The following PAN3 variants were observed in gnomAD, a reference collection of about 807,000 sequenced individuals.
PAN3 encodes PAN2-PAN3 deadenylation complex subunit PAN3.
PAN3 carries 19 observed loss-of-function variants against 96.2 expected under a neutral mutation model. The ratio of observed to expected loss-of-function variants is 0.20; its 90% CI spans 0.14 to 0.29. The LOEUF (loss-of-function observed/expected upper bound fraction) is 0.29. Ranked by LOEUF, PAN3 falls within the 10% of genes least tolerant of loss-of-function variation. The pLI is 1.00. For missense variants in PAN3, 882 were observed against 1,108.1 expected, an observed-to-expected ratio of 0.80 and a Z score of 2.90; for synonymous variants, 433 against 406.6, an observed-to-expected ratio of 1.06 and a Z score of -0.78.
chr13:28,230,316 T>C (rs1040988844), intron 6 of PAN3, among the ~76,000 whole-genome samples: 6 of 152,094 alleles, frequency 3.9e-5, no homozygotes, highest in African/African-American at 1.4e-4. Flanking sequence ...AAATATAAAT[T>C]AGTTACTATA....
At position 28,256,394 on chromosome 13, in the gene PAN3, G is replaced by T. The variant is rs781600893; in HGVS notation, c.1103G>T (p.Ser368Ile). ...RRRSHTPNPASYMVPSSASTS... is the reference protein window; with the variant it reads ...RRRSHTPNPAIYMVPSSASTS... ...AGAAGTCACACTCCAAATCCAGCAA[G>T]TTACATGGTGCCTTCTAGTGCCTCT... Residue 368 changes from serine (S) to isoleucine (I), a missense_variant, in exon 7 of 19, where the codon AGT becomes ATT. Physicochemically the swap from Ser to Ile is moderately radical, Grantham distance 142. Coordinates refer to ENST00000380958, the MANE Select transcript of PAN3 (RefSeq NM_175854.8). The T allele has an allele frequency of 8.7e-6, 14 of 1,614,054 alleles. No homozygotes were observed. The South Asian group carries it at 1.5e-4, about 18-fold the overall frequency.
At chr13:28,225,809 C>G (rs1018174694) in intron 6 of PAN3, among the ~76,000 whole-genome samples, 5 of 152,134 alleles carry the variant, frequency 3.3e-5, no homozygotes, top group Admixed American at 2.6e-4. Flanking sequence ...CAGACTAGTT[C>G]TGTGTGTGTC....
chr13:28,241,739 G>A (rs1417805180), intron 6 of PAN3, among the ~76,000 whole-genome samples: 1 of 152,122 alleles, frequency 6.6e-6, no homozygotes, highest in Non-Finnish European at 1.5e-5. Context: ...GTGATTTGGG[G>A]AATTTGGTTA....
chr13:28,194,952 G>A (rs1288450829), intron 4 of PAN3, among the ~76,000 whole-genome samples: 1 of 151,718 alleles, frequency 6.6e-6, no homozygotes, highest in East Asian at 1.9e-4. Context: ...TCCATGGCAT[G>A]AATCACTAAG....
chr13:28,227,682 C>T (rs1236193662), intron 6 of PAN3, among the ~76,000 whole-genome samples: 1 of 152,042 alleles, frequency 6.6e-6, no homozygotes, highest in Non-Finnish European at 1.5e-5. Context: ...TCTGTAGAAG[C>T]ATAGAGGACA....
chr13:28,181,956 G>T (rs978517265), intron 4 of PAN3, among the ~76,000 whole-genome samples: 1 of 152,112 alleles, frequency 6.6e-6, no homozygotes, highest in South Asian at 2.1e-4. Flanking sequence ...TTAAAAATAG[G>T]AGTTAATATA....
chr13:28,282,337 G>GT (rs1346114643), intron 17 of PAN3, among the ~76,000 whole-genome samples: 2 of 132,238 alleles, frequency 1.5e-5, no homozygotes, highest in African/African-American at 7.3e-5. Context: ...TACTTGAGGG[G>GT]TTGTTTTTTT....
chr13:28,269,004 A>G (rs1039452987), intron 12 of PAN3, among the ~76,000 whole-genome samples: 9 of 152,256 alleles, frequency 5.9e-5, no homozygotes, highest in African/African-American at 1.9e-4. Context: ...GCTCAAATTT[A>G]TTTTGGTAGT....
chr13:28,244,647 T>C (rs1429604762), intron 6 of PAN3, among the ~76,000 whole-genome samples: 2 of 152,118 alleles, frequency 1.3e-5, no homozygotes, highest in African/African-American at 4.8e-5. Context: ...TTCATTACTG[T>C]AGGTTTGATC....
chr13:28,211,147 C>T (rs892485818), intron 5 of PAN3, among the ~76,000 whole-genome samples: 12 of 152,146 alleles, frequency 7.9e-5, no homozygotes, highest in Non-Finnish European at 1.6e-4. Flanking sequence ...GCAGTCCTCC[C>T]ACCTTGGCCT....
chr13:28,288,271 G>A, intron 18 of PAN3, 149 bp downstream of exon 18: 1 of 708,180 alleles, frequency 1.4e-6, no homozygotes, highest in Admixed American at 3.5e-5. Flanking sequence ...TTTCTACAAT[G>A]GGAGGATTTT....
At chr13:28,214,164 G>A (rs888398060) in intron 5 of PAN3, among the ~76,000 whole-genome samples, 1 of 152,132 alleles carries the variant, frequency 6.6e-6, no homozygotes, top group African/African-American at 2.4e-5. Context: ...ATATACGTAC[G>A]TATTATATGC....
intron 1 of PAN3, among the ~76,000 whole-genome samples, chr13:28,142,212 A>G (rs995874306): frequency 2.6e-5 from 4 of 152,188 alleles, no homozygotes; most frequent in Non-Finnish European, 4.4e-5. Context: ...AGGAATCAGG[A>G]AAAAAGGTTG....
At chr13:28,262,612 T>G (rs1406025215) in intron 9 of PAN3, among the ~76,000 whole-genome samples, 1 of 151,920 alleles carries the variant, frequency 6.6e-6, no homozygotes, top group East Asian at 1.9e-4. Flanking sequence ...TTGCAAAAGT[T>G]TAAAAAGAAA....
At chr13:28,198,687 A>G (rs1012031236) in intron 5 of PAN3, among the ~76,000 whole-genome samples, 1 of 152,242 alleles carries the variant, frequency 6.6e-6, no homozygotes, top group African/African-American at 2.4e-5. Context: ...CAATTTAGCC[A>G]GAGGTAGAAT....
At chr13:28,200,827 G>A (rs1309359860) in intron 5 of PAN3, among the ~76,000 whole-genome samples, 4 of 152,048 alleles carry the variant, frequency 2.6e-5, no homozygotes, top group Non-Finnish European at 5.9e-5. Context: ...GTCCGCAGTC[G>A]GGAACCTTTG....
chr13:28,287,758 T>C (rs1869170341), intron 17 of PAN3, among the ~76,000 whole-genome samples: 1 of 152,204 alleles, frequency 6.6e-6, no homozygotes. Flanking sequence ...TAATGTAAAA[T>C]AGGAATGCAT....
intron 7 of PAN3, among the ~76,000 whole-genome samples, chr13:28,258,864 C>T (rs1228991748): frequency 2.0e-5 from 3 of 152,174 alleles, no homozygotes; most frequent in African/African-American, 7.2e-5. Context: ...TTTAAATTAT[C>T]TCTAGATTAC....
chr13:28,285,273 A>G (rs1433049012), intron 17 of PAN3, among the ~76,000 whole-genome samples: 1 of 152,114 alleles, frequency 6.6e-6, no homozygotes, highest in East Asian at 1.9e-4. Context: ...CAGTTTCTAT[A>G]CTTTTAATTT....
Sources: allele counts gnomAD v4.1 joint callset (sites outside exome capture counted in the v4.1 genomes callset), GRCh38; gene constraint gnomAD v4.1.1; transcripts MANE v1.5; gene names NCBI Gene and HGNC (gene_info 2026-07-23, HGNC 2026-07-21).